The following PHC2 variants were observed in gnomAD, a reference collection of about 807,000 sequenced individuals.
PHC2 encodes the protein polyhomeotic-like protein 2.
PHC2 carries 29 observed loss-of-function variants against 87.4 expected under a neutral mutation model. The observed-to-expected ratio is 0.33, with a 90% confidence interval of 0.25 to 0.45. The LOEUF is 0.45. Ranked by LOEUF, PHC2 falls within the 20% of genes least tolerant of loss-of-function variation. PHC2 has a pLI of 1.00. For missense variants in PHC2, 857 were observed against 1,136.7 expected (o/e 0.75, Z 3.54); for synonymous variants, 438 against 461.7 (o/e 0.95, Z 0.66).
chr1:33,344,811 A>AT (rs1646815891), intron 9 of PHC2, among the ~76,000 whole-genome samples: 1 of 151,334 alleles, frequency 6.6e-6, no homozygotes, highest in African/African-American at 2.4e-5. Flanking sequence ...GTCTTGTTAT[A>AT]TTGCTCAGGC....
chr1:33,351,140 C>T (rs1342322239), intron 9 of PHC2, among the ~76,000 whole-genome samples: 1 of 152,194 alleles, frequency 6.6e-6, no homozygotes, highest in African/African-American at 2.4e-5. Flanking sequence ...GTGGCAACAA[C>T]TCATCTCTGC....
chr1:33,336,557 C>G (rs1646641231), intron 9 of PHC2: 1 of 152,178 alleles, frequency 6.6e-6, no homozygotes, highest in African/African-American at 2.4e-5. Flanking sequence ...ACAGCTTTGG[C>G]TTTTCTGTAG....
intron 1 of PHC2, among the ~76,000 whole-genome samples, chr1:33,424,018 C>T (rs1650563242): frequency 1.3e-5 from 1 of 76,038 alleles, no homozygotes; most frequent in African/African-American, 8.5e-5. Flanking sequence ...ATCGCTTGAA[C>T]CTGGGAGGCG....
intron 1 of PHC2, among the ~76,000 whole-genome samples, chr1:33,379,337 C>T (rs1232638646): frequency 1.4e-5 from 1 of 73,644 alleles, no homozygotes; most frequent in African/African-American, 5.3e-5. Context: ...TGCCCCCCAC[C>T]CCCCCACCGC....
Position 33,349,415 on chromosome 1 carries a change from G to A in PHC2, c.1558+4986C>T. Reference sequence around the variant, plus strand: ...GGGCGCGCAGGGTCCCCAGGCGAGCGAGGCTGGGGAGCAGGGCACCTCCCA... The same window carrying A: ...GGGCGCGCAGGGTCCCCAGGCGAGCAAGGCTGGGGAGCAGGGCACCTCCCA... On this transcript the variant is annotated intron_variant, in intron 9 of 14. Transcript: ENST00000683057. This position sits in a 1 kb window ranked among gnomAD's most constrained non-coding sequence, Gnocchi z 4.2. The A allele has an allele frequency of 2.0e-6, 2 of 985,298 alleles. No individual in the cohort carries two copies. Among genetic ancestry groups the A allele is most frequent in the Non-Finnish European group, 2.4e-6 (2 of 829,858 alleles). The allele number at this position is 985,298 out of a possible 1,614,324, so 61.0% of individuals were successfully genotyped here. A position where few individuals can be genotyped will look rare whatever the true frequency, so the allele number is the denominator to read the frequency against.
Position 33,375,394 on chromosome 1 carries a change from C to T in PHC2, c.146G>A (p.Ser49Asn), listed in dbSNP as rs1304825877. Residue 49 changes from serine to asparagine, a missense_variant, in exon 2 of 15, where the codon AGT (serine) becomes AAT (asparagine). By Grantham distance (46) the Ser-to-Asn change is conservative. Coordinates refer to ENST00000683057, the MANE Select transcript of PHC2 (RefSeq NM_001385109.1). Reference sequence around the variant, plus strand: ...CACGGTCTGCCGGTCTGGAATACCACTGTACACAGAAATCTGGGGCCCGGT... The same window carrying T: ...CACGGTCTGCCGGTCTGGAATACCATTGTACACAGAAATCTGGGGCCCGGT... The part of the protein sequence containing the change: ...RPTGPQISVY[S>N]GIPDRQTVQV... 3.1e-6 allele frequency: 5 copies of T among 1,607,758 alleles called. No individual in the cohort carries two copies. The highest frequency in any genetic ancestry group is 4.2e-6 in the Non-Finnish European group (5 of 1,176,850).
At chr1:33,356,276 T>TATATATATATATATATATACAC (rs1557831073) in intron 7 of PHC2, among the ~76,000 whole-genome samples, 3 of 59,456 alleles carry the variant, frequency 5.0e-5, no homozygotes, top group South Asian at 5.3e-4. Flanking sequence ...TATATATATA[T>TATATATATATATATATATACAC]GTATATATAT....
At chr1:33,418,793 A>G (rs936844081) in intron 1 of PHC2, among the ~76,000 whole-genome samples, 2 of 152,236 alleles carry the variant, frequency 1.3e-5, no homozygotes, top group Non-Finnish European at 2.9e-5. Context: ...TTAGAAGAGA[A>G]AAAATATTAA....
rs1049168896 is a variant in PHC2 at position 33,349,754 on chromosome 1, C to T, written c.1558+4647G>A. Reference sequence around the variant, plus strand: ...GCTGCCGCGGCGCATCCGACCGCACCGGCCTGGCCGGCGTCAACAAAGGGC... The same window carrying T: ...GCTGCCGCGGCGCATCCGACCGCACTGGCCTGGCCGGCGTCAACAAAGGGC... On this transcript the variant is annotated intron_variant, in intron 9 of 14. Coordinates refer to ENST00000683057, the MANE Select transcript of PHC2 (RefSeq NM_001385109.1). This position sits in a 1 kb window ranked among gnomAD's most constrained non-coding sequence, Gnocchi z 4.2. The T allele has an allele frequency of 2.0e-6, 2 of 982,468 alleles. No homozygotes were observed. The highest frequency in any genetic ancestry group is 1.8e-5 in the African/African-American group (1 of 56,724). The allele number at this position is 982,468 out of a possible 1,614,324, so 60.9% of individuals were successfully genotyped here. A position where few individuals can be genotyped will look rare whatever the true frequency, so the allele number is the denominator to read the frequency against.
intron 1 of PHC2, among the ~76,000 whole-genome samples, chr1:33,409,556 T>C (rs1410369388): frequency 2.0e-5 from 3 of 152,240 alleles, no homozygotes; most frequent in Non-Finnish European, 2.9e-5. Context: ...AAATATATAC[T>C]TTTGTAATAA....
At chr1:33,416,822 T>A (rs1234712491) in intron 1 of PHC2, among the ~76,000 whole-genome samples, 1 of 151,962 alleles carries the variant, frequency 6.6e-6, no homozygotes, top group African/African-American at 2.4e-5. Flanking sequence ...CTAAAGAAAT[T>A]GATAAGAGAA....
chr1:33,328,810 G>A (rs1646427273), intron 14 of PHC2, 60 bp downstream of exon 14: 1 of 1,491,720 alleles, frequency 6.7e-7, no homozygotes, highest in Non-Finnish European at 9.1e-7. Flanking sequence ...TGGTGGGAGG[G>A]TCTCTCATTT....
In PHC2 at chr1:33,354,561, C is replaced by G. The variant is rs961964682; in HGVS notation, c.1398G>C (p.Gln466His). The change falls in exon 9 of 15, where the codon CAG (glutamine) becomes CAC (histidine). Residue 466 changes from glutamine (Q) to histidine (H), a missense_variant. Around this residue, in one of 3 missense-constraint regions of PHC2, gnomAD observed 832 missense variants for 1,081.8 expected, o/e 0.77. Coordinates refer to ENST00000683057, the MANE Select transcript of PHC2 (RefSeq NM_001385109.1). ...CTTTCCAGTCATCAGGGACACACTG[C>G]TGGGGCTGTCAAAGGACAGGACAGA... ...LQLQPASPVP[Q>H]QCVPDDWKEV... is the part of the protein sequence containing the mutation. 1.7e-5 allele frequency: 27 copies of G among 1,612,856 alleles called. No homozygotes were observed. The highest frequency in any genetic ancestry group is 2.3e-5 in the Non-Finnish European group (27 of 1,179,382).
chr1:33,371,229 C>T, intron 3 of PHC2, 135 bp from the exon 4 acceptor site: 1 of 693,808 alleles, frequency 1.4e-6, no homozygotes, highest in Non-Finnish European at 2.6e-6. Flanking sequence ...CAACCTGCCT[C>T]TATGTGGCCC....
chr1:33,346,742 C>T (rs764871382), intron 9 of PHC2: 41 of 985,326 alleles, frequency 4.2e-5, no homozygotes, highest in Admixed American at 6.2e-5. Flanking sequence ...GGTTACTGAA[C>T]GCCTGGCCTG....
At chr1:33,396,679 T>C (rs1311116707) in intron 1 of PHC2, among the ~76,000 whole-genome samples, 2 of 152,224 alleles carry the variant, frequency 1.3e-5, no homozygotes, top group African/African-American at 2.4e-5. Flanking sequence ...ATCTAAGTGC[T>C]GTTCACAGCC....
In PHC2 at chr1:33,327,598, G is replaced by A. The variant is rs999352346; in HGVS notation, c.2425+1272C>T. ...AAAATTTTAATTAAAAAAATATATT[G>A]TGAAAATGCCAGTACGTGGCTTCAG... On this transcript the variant is annotated intron_variant, in intron 14 of 14. Coordinates refer to ENST00000683057, the MANE Select transcript of PHC2 (RefSeq NM_001385109.1). Among the ~76,000 whole-genome samples the A allele has an allele frequency of 2.6e-5, 4 of 152,304 alleles. No homozygotes were observed. In the East Asian group the frequency reaches 7.7e-4, roughly 29 times the overall value.
chr1:33,416,425 A>T (rs939381097), intron 1 of PHC2, among the ~76,000 whole-genome samples: 9 of 151,330 alleles, frequency 5.9e-5, no homozygotes, highest in African/African-American at 2.2e-4. Flanking sequence ...AAAAAAAAAA[A>T]ATTAGCCAGG....
chr1:33,337,439 G>C (rs1441378241), intron 9 of PHC2, among the ~76,000 whole-genome samples: 2 of 152,178 alleles, frequency 1.3e-5, no homozygotes, highest in Non-Finnish European at 2.9e-5. Context: ...AGGCCAATCA[G>C]ATTTGTCTAA....
Sources: allele counts gnomAD v4.1 joint callset (sites outside exome capture counted in the v4.1 genomes callset), GRCh38; gene constraint gnomAD v4.1.1; regional missense constraint gnomAD v4.1.1; non-coding constraint Gnocchi (gnomAD v3.1); transcripts MANE v1.5; gene names NCBI Gene and HGNC (gene_info 2026-07-23, HGNC 2026-07-21).